PPP3R1: variants seen among roughly 807,000 people sequenced by gnomAD.
PPP3R1 encodes protein phosphatase 3 regulatory subunit B, alpha.
A neutral mutation model predicts 22.6 loss-of-function variants in PPP3R1; 5 were observed. The ratio of observed to expected loss-of-function variants is 0.22; its 90% confidence interval spans 0.12 to 0.46. The LOEUF is 0.46. Ranked by LOEUF, PPP3R1 falls within the 20% of genes least tolerant of loss-of-function variation. PPP3R1 has a pLI of 0.99. For missense variants in PPP3R1, 61 were observed against 203.2 expected, an observed-to-expected ratio of 0.30 and a Z score of 4.25; for synonymous variants, 56 against 65.2, an observed-to-expected ratio of 0.86 and a Z score of 0.68.
At chr2:68,192,797 C>G (rs747112364) in intron 2 of PPP3R1, among the ~76,000 whole-genome samples, 1 of 152,086 alleles carries the variant, frequency 6.6e-6, no homozygotes, top group Non-Finnish European at 1.5e-5. Flanking sequence ...CTAAAGTCCT[C>G]GGCAATACTT....
intron 1 of PPP3R1, among the ~76,000 whole-genome samples, chr2:68,244,576 T>C (rs1027735363): frequency 2.0e-5 from 3 of 152,152 alleles, no homozygotes; most frequent in Non-Finnish European, 4.4e-5. Context: ...TGTCTATCCT[T>C]TCCTTTTATC....
intron 2 of PPP3R1, among the ~76,000 whole-genome samples, chr2:68,198,424 C>T (rs1042965723): frequency 2.1e-5 from 3 of 143,904 alleles, no homozygotes; most frequent in Non-Finnish European, 3.0e-5. Flanking sequence ...TGCATATATA[C>T]GTATATATGC....
intron 1 of PPP3R1, among the ~76,000 whole-genome samples, chr2:68,219,055 C>T (rs1164955711): frequency 2.0e-5 from 3 of 152,176 alleles, no homozygotes; most frequent in African/African-American, 7.2e-5. Flanking sequence ...CTGTCCCAAA[C>T]TGACCACATC....
intron 1 of PPP3R1, among the ~76,000 whole-genome samples, chr2:68,217,521 A>G (rs1278458702): frequency 6.6e-6 from 1 of 152,114 alleles, no homozygotes; most frequent in African/African-American, 2.4e-5. Flanking sequence ...TCCCTTGCCA[A>G]CTCTAACTGA....
chr2:68,196,442 ACAAAG>A (rs1674774780), intron 2 of PPP3R1, among the ~76,000 whole-genome samples: 1 of 152,224 alleles, frequency 6.6e-6, no homozygotes, highest in Non-Finnish European at 1.5e-5. Flanking sequence ...TACCAAATGA[ACAAAG>A]CAAAGAGAGC....
At chr2:68,197,499 T>C (rs565193861) in intron 2 of PPP3R1, among the ~76,000 whole-genome samples, 2 of 151,560 alleles carry the variant, frequency 1.3e-5, no homozygotes, top group South Asian at 2.1e-4. Context: ...AACGTTTTCC[T>C]GGAATTGCTG....
At chr2:68,235,570 C>T (rs1281831194) in intron 1 of PPP3R1, among the ~76,000 whole-genome samples, 4 of 152,108 alleles carry the variant, frequency 2.6e-5, no homozygotes, top group African/African-American at 9.7e-5. Context: ...ACATTTCATT[C>T]GTATGAACAT....
At chr2:68,219,268 T>A (rs557040058) in intron 1 of PPP3R1, among the ~76,000 whole-genome samples, 34 of 152,332 alleles carry the variant, frequency 2.2e-4, no homozygotes, top group African/African-American at 8.2e-4. Flanking sequence ...AAGAATGTCT[T>A]CATAGTCTAC....
intron 5 of PPP3R1, among the ~76,000 whole-genome samples, chr2:68,184,967 TC>T (rs1205443412): frequency 6.6e-6 from 1 of 152,148 alleles, no homozygotes; most frequent in Non-Finnish European, 1.5e-5. Flanking sequence ...ACGCCTATAA[TC>T]CCAGCACTTT....
chr2:68,241,843 CAAA>C (rs35587118), intron 1 of PPP3R1, among the ~76,000 whole-genome samples: 11 of 92,678 alleles, frequency 1.2e-4, no homozygotes, highest in Non-Finnish European at 1.3e-4. Flanking sequence ...GACTCCATCT[CAAA>C]AAAAAAAAAA....
chr2:68,242,191 G>A (rs544608065), intron 1 of PPP3R1, among the ~76,000 whole-genome samples: 1 of 152,316 alleles, frequency 6.6e-6, no homozygotes, highest in Admixed American at 6.5e-5. Context: ...CAATTTGGGA[G>A]GCTGAAGCAA....
At position 68,181,249 on chromosome 2, in the gene PPP3R1, C is replaced by T. The variant is rs1018780661; in HGVS notation, c.466-239G>A. On this transcript the variant is annotated intron_variant, in intron 5 of 5. Coordinates refer to ENST00000234310, the MANE Select transcript of PPP3R1 (RefSeq NM_000945.4). ...TACTAAAAAAATACAAAAACTTAGCCGGGTGTGGTGGCGTGTGCCTCTAGT... is the reference window on the plus strand; with the variant it reads ...TACTAAAAAAATACAAAAACTTAGCTGGGTGTGGTGGCGTGTGCCTCTAGT... Among the ~76,000 whole-genome samples the T allele has an allele frequency of 5.3e-5, 8 of 151,902 alleles. No homozygotes were observed. In the East Asian group the frequency reaches 1.2e-3, roughly 22 times the overall value.
chr2:68,214,435 C>CA (rs1242901530), intron 2 of PPP3R1, among the ~76,000 whole-genome samples: 5 of 150,760 alleles, frequency 3.3e-5, no homozygotes, highest in East Asian at 1.9e-4. Flanking sequence ...AACCTAAAAG[C>CA]AAAAAAAACA....
At chr2:68,229,990 A>G (rs1669862003) in intron 1 of PPP3R1, among the ~76,000 whole-genome samples, 1 of 148,106 alleles carries the variant, frequency 6.8e-6, no homozygotes, top group African/African-American at 2.6e-5. Flanking sequence ...ACACACACAC[A>G]CACACACACA....
At chr2:68,240,722 G>A (rs1282258165) in intron 1 of PPP3R1, among the ~76,000 whole-genome samples, 1 of 152,226 alleles carries the variant, frequency 6.6e-6, no homozygotes, top group African/African-American at 2.4e-5. Flanking sequence ...AGGCCAAGTG[G>A]CTAGAGCACA....
chr2:68,198,389 ATATG>A (rs1379197171), intron 2 of PPP3R1, among the ~76,000 whole-genome samples: 2 of 124,126 alleles, frequency 1.6e-5, no homozygotes, highest in Non-Finnish European at 3.3e-5. Flanking sequence ...ATATGCATAT[ATATG>A]TATATATATG....
At chr2:68,216,975 T>A (rs1442209120) in intron 2 of PPP3R1, 117 bp downstream of exon 2, 4 of 725,538 alleles carry the variant, frequency 5.5e-6, no homozygotes, top group Non-Finnish European at 8.8e-6. Context: ...CTCACATTGC[T>A]ACAAAGGTAA....
At chr2:68,181,166 G>C (rs1056706927) in intron 5 of PPP3R1, among the ~76,000 whole-genome samples, 156 bp from the exon 6 acceptor site, 1 of 152,150 alleles carries the variant, frequency 6.6e-6, no homozygotes, top group Non-Finnish European at 1.5e-5. Flanking sequence ...AAGGCAGGTG[G>C]ATCACAAGGT....
chr2:68,229,253 C>A (rs1384994924), intron 1 of PPP3R1, among the ~76,000 whole-genome samples: 1 of 151,890 alleles, frequency 6.6e-6, no homozygotes, highest in African/African-American at 2.4e-5. Flanking sequence ...CTCATGCAAT[C>A]CTCCCACCTT....
Sources: allele counts gnomAD v4.1 joint callset (sites outside exome capture counted in the v4.1 genomes callset), GRCh38; gene constraint gnomAD v4.1.1; transcripts MANE v1.5; gene names NCBI Gene and HGNC (gene_info 2026-07-23, HGNC 2026-07-21).